Variants in SNX7 observed in about 807,000 individuals in gnomAD.
SNX7 encodes the protein sorting nexin-7.
SNX7 carries 35 observed loss-of-function variants against 48.4 expected under a neutral mutation model. The observed-to-expected ratio is 0.72, with a 90% CI of 0.55 to 0.96. The LOEUF (loss-of-function observed/expected upper bound fraction) is 0.96, where lower values mean the gene tolerates loss of function less well. SNX7 is among the 40% of genes least tolerant of loss of function. SNX7 has a pLI of 0.00. For synonymous variants in SNX7, 190 were observed against 190.2 expected (o/e 1.00, Z 0.01); for missense variants, 553 against 548.9 (o/e 1.01, Z -0.07).
At chr1:98,710,356 A>C (rs12078775) in intron 7 of SNX7, among the ~76,000 whole-genome samples, 3 of 152,138 alleles carry the variant, frequency 2.0e-5, no homozygotes, top group Non-Finnish European at 4.4e-5. Context: ...GAAGACAAAG[A>C]CTGTGGAAAA....
chr1:98,729,283 G>A (rs1400657057), intron 7 of SNX7, among the ~76,000 whole-genome samples: 1 of 152,162 alleles, frequency 6.6e-6, no homozygotes, highest in Non-Finnish European at 1.5e-5. Context: ...CTAAAGCAGT[G>A]TTAAGAGGGA....
At chr1:98,748,631 G>C in intron 8 of SNX7, among the ~76,000 whole-genome samples, 1 of 89,828 alleles carries the variant, frequency 1.1e-5, no homozygotes, top group Non-Finnish European at 2.2e-5. Context: ...AGGAAGAAAT[G>C]ATTTAAACAC....
intron 7 of SNX7, among the ~76,000 whole-genome samples, chr1:98,708,350 A>T (rs542792781): frequency 4.5e-4 from 68 of 152,228 alleles, no homozygotes; most frequent in African/African-American, 1.6e-3. Context: ...CCTGGCTGAC[A>T]TTTCCTCAAA....
chr1:98,704,940 A>G (rs967063438), intron 7 of SNX7, among the ~76,000 whole-genome samples: 1 of 152,214 alleles, frequency 6.6e-6, no homozygotes, highest in Admixed American at 6.5e-5. Flanking sequence ...GTAACATTCC[A>G]GAGGACATTT....
chr1:98,756,988 A>G (rs1471342668), intron 8 of SNX7, among the ~76,000 whole-genome samples: 1 of 151,938 alleles, frequency 6.6e-6, no homozygotes. Context: ...GTGATAAGTG[A>G]GTGCTTGCTC....
chr1:98,749,770 A>C (rs531551086), intron 8 of SNX7, among the ~76,000 whole-genome samples: 1 of 152,124 alleles, frequency 6.6e-6, no homozygotes, highest in African/African-American at 2.4e-5. Flanking sequence ...CCCTCATTTT[A>C]GGCATAACCT....
Position 98,698,900 on chromosome 1 carries a change from T to C in SNX7, c.1033T>C (p.Leu345=). The C allele has an allele frequency of 1.2e-6, 2 of 1,613,490 alleles. No homozygotes were observed. The highest frequency in any genetic ancestry group is 1.7e-6 in the Non-Finnish European group (2 of 1,179,530). ...VHEYVLYSEM[L]MGVMKRRDQI... ...TGAGTACGTGCTTTATAGTGAAATG[T>C]TAATGGTAAGAACACCTAATTCTAA... The change falls in exon 6 of 9, where the codon TTA becomes CTA. Residue 345 remains leucine (L), a synonymous_variant. Coordinates refer to ENST00000306121, the MANE Select transcript of SNX7 (RefSeq NM_015976.5).
At chr1:98,691,969 A>G (rs1042741172) in intron 4 of SNX7, among the ~76,000 whole-genome samples, 1 of 90,788 alleles carries the variant, frequency 1.1e-5, no homozygotes, top group Non-Finnish European at 2.6e-5. Flanking sequence ...TCTCTCTCTA[A>G]TGTTTTTATG....
chr1:98,698,942 T>TA (rs781583967), intron 6 of SNX7, 37 bp downstream of exon 6: 9 of 1,585,026 alleles, frequency 5.7e-6, no homozygotes, highest in Non-Finnish European at 6.1e-6. Context: ...CTCAGTCCCT[T>TA]ACCTGATTAT....
chr1:98,672,070 A>G (rs1168799446), intron 1 of SNX7, among the ~76,000 whole-genome samples: 1 of 152,172 alleles, frequency 6.6e-6, no homozygotes, highest in Non-Finnish European at 1.5e-5. Context: ...GTGCATGTGT[A>G]TTTTGTAATC....
chr1:98,710,237 G>A (rs937693175), intron 7 of SNX7, among the ~76,000 whole-genome samples: 6 of 152,088 alleles, frequency 3.9e-5, no homozygotes, highest in African/African-American at 1.4e-4. Context: ...GGAAGTAACT[G>A]CATATTAAGG....
chr1:98,667,601 C>T (rs908889908), intron 1 of SNX7, among the ~76,000 whole-genome samples: 2 of 151,476 alleles, frequency 1.3e-5, no homozygotes, highest in African/African-American at 4.9e-5. Flanking sequence ...AGGCTGGTCT[C>T]GAATTCCTGA....
At chr1:98,715,274 A>G (rs944621660) in intron 7 of SNX7, among the ~76,000 whole-genome samples, 1 of 152,066 alleles carries the variant, frequency 6.6e-6, no homozygotes, top group African/African-American at 2.4e-5. Flanking sequence ...CTTGTTTCAT[A>G]TTTCCTTAAG....
chr1:98,699,602 C>T (rs1260276661), intron 6 of SNX7, among the ~76,000 whole-genome samples: 1 of 152,172 alleles, frequency 6.6e-6, no homozygotes, highest in Non-Finnish European at 1.5e-5. Context: ...AGTCAGCTTG[C>T]ATTCAGATAC....
At chr1:98,702,718 C>T (rs961816966) in intron 7 of SNX7, among the ~76,000 whole-genome samples, 2 of 152,062 alleles carry the variant, frequency 1.3e-5, no homozygotes, top group East Asian at 1.9e-4. Flanking sequence ...GTGATGACGT[C>T]TCTTGCCTGC....
rs1385739816 is a variant in SNX7 at position 98,661,835 on chromosome 1, G to A, written c.104G>A (p.Ser35Asn). The A allele has an allele frequency of 1.6e-6, 2 of 1,246,270 alleles. No homozygotes were observed. Among genetic ancestry groups the A allele is most frequent in the African/African-American group, 3.1e-5 (2 of 64,332 alleles). The allele number at this position is 1,246,270 out of a possible 1,614,324, so 77.2% of individuals were successfully genotyped here. The change falls in exon 1 of 9, where the codon AGT (serine) becomes AAT (asparagine). Residue 35 changes from serine (S) to asparagine (N), a missense_variant. Transcript: ENST00000306121. ...GGCGGCGCCCCCTTTCCGGGCAGCA[G>A]TGGCTCTTCCGCCCTGCTGCAGGCG... ...PGGGAPFPGS[S>N]GSSALLQAEV...
chr1:98,743,449 A>G (rs1056771084), intron 8 of SNX7, among the ~76,000 whole-genome samples: 2 of 152,080 alleles, frequency 1.3e-5, no homozygotes, highest in African/African-American at 4.8e-5. Context: ...ATATATTTAT[A>G]TGGACATCTA....
At chr1:98,709,874 T>C (rs190065132) in intron 7 of SNX7, among the ~76,000 whole-genome samples, 1 of 152,186 alleles carries the variant, frequency 6.6e-6, no homozygotes, top group Non-Finnish European at 1.5e-5. Flanking sequence ...CACTAATGTC[T>C]TTACTTTCTG....
At chr1:98,686,203 C>G (rs1432219525) in intron 2 of SNX7, among the ~76,000 whole-genome samples, 1 of 152,236 alleles carries the variant, frequency 6.6e-6, no homozygotes, top group East Asian at 1.9e-4. Flanking sequence ...TGTCCCCTGG[C>G]TGAAATAGTT....
Sources: gnomAD v4.1 joint callset for allele counts (sites outside exome capture counted in the v4.1 genomes callset) on GRCh38, gnomAD v4.1.1 for gene constraint, MANE v1.5 for transcripts, NCBI Gene and HGNC (gene_info 2026-07-23, HGNC 2026-07-21) for gene names.